Variants in SYT10 observed in about 807,000 individuals in gnomAD.
SYT10 encodes synaptotagmin 10.
SYT10 carries 31 observed loss-of-function variants against 51.1 expected under a neutral mutation model. The observed-to-expected ratio is 0.61, with a 90% CI of 0.46 to 0.82. The LOEUF (loss-of-function observed/expected upper bound fraction) is 0.82. Among genes scored for constraint, SYT10 ranks in the 40% least tolerant of loss-of-function variants. The probability of loss-of-function intolerance (pLI) is 0.00; values close to 1 mark genes in which losing one functional copy is unlikely to be tolerated. For missense variants in SYT10, 603 were observed against 634.0 expected, an observed-to-expected ratio of 0.95 and a Z score of 0.53; for synonymous variants, 233 against 225.9, an observed-to-expected ratio of 1.03 and a Z score of -0.28.
intron 1 of SYT10, among the ~76,000 whole-genome samples, chr12:33,431,535 A>G (rs2138438266): frequency 6.6e-6 from 1 of 152,278 alleles, no homozygotes; most frequent in Non-Finnish European, 1.5e-5. Context: ...AATTACATTA[A>G]TTGTAATTAT....
Position 33,388,360 on chromosome 12 carries a change from T to G in SYT10, c.1078-3069A>C, listed in dbSNP as rs552851582. On this transcript the variant is annotated intron_variant, in intron 3 of 6. Transcript: ENST00000228567. ...CTTTCAGGATTATTTTTATCCAAAA[T>G]GCTTAAAATGTTTAAAGTGGTATTA... 6.6e-4 allele frequency among the ~76,000 whole-genome samples: 100 copies of G among 152,322 alleles called. 1 individual carries two copies. Among genetic ancestry groups the G allele is most frequent in the Non-Finnish European group, 1.2e-3 (81 of 68,026 alleles).
intron 3 of SYT10, among the ~76,000 whole-genome samples, chr12:33,402,772 A>T (rs900796425): frequency 5.3e-5 from 8 of 152,162 alleles, no homozygotes; most frequent in African/African-American, 1.4e-4. Context: ...TGTGGAAGAA[A>T]ATATGACAGA....
chr12:33,426,563 A>G, intron 1 of SYT10, 68 bp from the exon 2 acceptor site: 1 of 1,247,112 alleles, frequency 8.0e-7, no homozygotes, highest in South Asian at 1.7e-5. Flanking sequence ...TGGAAAGAAT[A>G]TTTTACATCA....
At position 33,430,866 on chromosome 12, in the gene SYT10, A is replaced by G. The variant is rs76487051; in HGVS notation, c.152-4371T>C. ...TTGGGATTATCTTTGAAGTTAATTT[A>G]TTTATACTATTCATCTGATATTACC... On this transcript the variant is annotated intron_variant, in intron 1 of 6. Transcript: ENST00000228567. Among the ~76,000 whole-genome samples the G allele has an allele frequency of 9.4e-3, 1,424 of 152,226 alleles. 31 individuals carry two copies. Among genetic ancestry groups the G allele is most frequent in the African/African-American group, 0.031 (1,305 of 41,554 alleles).
chr12:33,400,506 C>A (rs1293114223), intron 3 of SYT10, among the ~76,000 whole-genome samples: 1 of 151,564 alleles, frequency 6.6e-6, no homozygotes, highest in Non-Finnish European at 1.5e-5. Context: ...TAACTGTAAC[C>A]AGGTCAATGT....
intron 4 of SYT10, among the ~76,000 whole-genome samples, chr12:33,384,316 A>T (rs1487825132): frequency 6.6e-6 from 1 of 152,116 alleles, no homozygotes; most frequent in Non-Finnish European, 1.5e-5. Context: ...AGCTATTTCC[A>T]CACCAGAACT....
chr12:33,418,404 C>T (rs1003426331), intron 2 of SYT10, among the ~76,000 whole-genome samples: 6 of 152,124 alleles, frequency 3.9e-5, no homozygotes, highest in East Asian at 1.9e-4. Flanking sequence ...ATCATCTCCT[C>T]GCTTAGGACA....
At chr12:33,429,685 A>G (rs1309886055) in intron 1 of SYT10, among the ~76,000 whole-genome samples, 3 of 152,218 alleles carry the variant, frequency 2.0e-5, no homozygotes, top group East Asian at 3.8e-4. Context: ...ACTTACTGAA[A>G]GAAAATTCAG....
intron 3 of SYT10, among the ~76,000 whole-genome samples, chr12:33,388,112 C>G (rs1905420): frequency 0.46 from 69,803 of 151,656 alleles, 17,640 homozygotes; most frequent in East Asian, 0.89. Flanking sequence ...TACAAAGGTA[C>G]AAAACTGCTA....
At position 33,412,253 on chromosome 12, in the gene SYT10, G is replaced by A. The variant is rs569296761; in HGVS notation, c.510-4897C>T. On this transcript the variant is annotated intron_variant, in intron 2 of 6. Transcript: ENST00000228567. ...AAAGTCCCTTTATAAGAATAAAAAA[G>A]TAGTAACATTTTTGTTCTAGTAAGT... Among the ~76,000 whole-genome samples the A allele has an allele frequency of 3.9e-5, 6 of 152,084 alleles. No individual in the cohort carries two copies. In the East Asian group the frequency reaches 1.2e-3, roughly 30 times the overall value.
At chr12:33,408,395 C>T (rs1355861727) in intron 2 of SYT10, 2 of 152,034 alleles carry the variant, frequency 1.3e-5, no homozygotes, top group Non-Finnish European at 2.9e-5. Flanking sequence ...GACTGAATTT[C>T]CTATAGTCAC....
At position 33,376,702 on chromosome 12, in the gene SYT10, A is replaced by G. The variant is rs1158834274; in HGVS notation, c.*128T>C. The G allele has an allele frequency of 2.0e-6, 2 of 988,654 alleles. No homozygotes were observed. The highest frequency in any genetic ancestry group is 3.2e-5 in the African/African-American group (2 of 61,606). 61.2% of individuals were successfully genotyped at this position (988,654 alleles called of 1,614,324 possible). On this transcript the variant is annotated 3_prime_UTR_variant, in exon 7 of 7. Transcript: ENST00000228567. ...AATCAACAATAAAAGCAAATAAAAA[A>G]GTGCACATCAAGTTTGTTCATTAGT...
chr12:33,385,409 A>G, intron 3 of SYT10, 118 bp from the exon 4 acceptor site: 1 of 1,361,628 alleles, frequency 7.3e-7, no homozygotes, highest in Non-Finnish European at 9.8e-7. Flanking sequence ...GATAATACAG[A>G]TAACATTGCA....
At chr12:33,434,500 T>C (rs1469817534) in intron 1 of SYT10, among the ~76,000 whole-genome samples, 1 of 152,178 alleles carries the variant, frequency 6.6e-6, no homozygotes, top group Non-Finnish European at 1.5e-5. Context: ...GATTCATTCA[T>C]TCATTTAAAA....
intron 3 of SYT10, among the ~76,000 whole-genome samples, chr12:33,391,350 T>C (rs1866205311): frequency 6.6e-6 from 1 of 152,098 alleles, no homozygotes; most frequent in African/African-American, 2.4e-5. Context: ...TCCATGACGA[T>C]CTAGGAGGGC....
chr12:33,403,098 C>A (rs933943038), intron 3 of SYT10, among the ~76,000 whole-genome samples: 3 of 151,836 alleles, frequency 2.0e-5, no homozygotes, highest in African/African-American at 7.3e-5. Flanking sequence ...TGCAATTATA[C>A]AAAGGTACTC....
intron 5 of SYT10, among the ~76,000 whole-genome samples, chr12:33,381,987 A>G (rs1047125029): frequency 6.6e-6 from 1 of 152,198 alleles, no homozygotes; most frequent in African/African-American, 2.4e-5. Context: ...AGTTAATGAT[A>G]GAACTCGGGT....
intron 3 of SYT10, among the ~76,000 whole-genome samples, chr12:33,393,166 A>G (rs1378385678): frequency 6.6e-6 from 1 of 152,082 alleles, no homozygotes; most frequent in African/African-American, 2.4e-5. Context: ...GATTTAACTA[A>G]TCAAGTCTCA....
intron 2 of SYT10, among the ~76,000 whole-genome samples, chr12:33,422,403 G>T (rs1342781249): frequency 6.6e-6 from 1 of 152,038 alleles, no homozygotes. Flanking sequence ...TTACAAAGTA[G>T]ATGTCTTCTC....
Sources: allele counts gnomAD v4.1 joint callset (sites outside exome capture counted in the v4.1 genomes callset), GRCh38; gene constraint gnomAD v4.1.1; transcripts MANE v1.5; gene names NCBI Gene and HGNC (gene_info 2026-07-23, HGNC 2026-07-21).